FHIT: variants seen among roughly 807,000 people sequenced by gnomAD.
FHIT encodes the protein fragile histidine triad diadenosine triphosphatase.
FHIT carries 19 observed loss-of-function variants against 17.9 expected under a neutral mutation model. The ratio of observed to expected loss-of-function variants is 1.06; its 90% CI spans 0.74 to 1.56. The LOEUF (loss-of-function observed/expected upper bound fraction) is 1.56, where lower values mean the gene tolerates loss of function less well. FHIT is among the 40% of genes most tolerant of loss of function. The probability of loss-of-function intolerance (pLI) is 0.00; values close to 1 mark genes in which losing one functional copy is unlikely to be tolerated. For missense variants in FHIT, 248 were observed against 189.2 expected, an observed-to-expected ratio of 1.31 and a Z score of -1.82; for synonymous variants, 81 against 69.7, an observed-to-expected ratio of 1.16 and a Z score of -0.81.
intron 4 of FHIT, among the ~76,000 whole-genome samples, chr3:60,610,211 TTTA>T (rs1165029960): frequency 6.6e-6 from 1 of 152,212 alleles, no homozygotes; most frequent in Non-Finnish European, 1.5e-5. Flanking sequence ...AAAATGCCTT[TTTA>T]TTGCCAAGGG....
chr3:61,104,336 G>C (rs759955885), intron 2 of FHIT, among the ~76,000 whole-genome samples: 7 of 152,098 alleles, frequency 4.6e-5, no homozygotes. Flanking sequence ...AGCTTAGTTT[G>C]GCTGGATATG....
chr3:60,493,686 C>A (rs1228748255), intron 5 of FHIT, among the ~76,000 whole-genome samples: 4 of 152,010 alleles, frequency 2.6e-5, no homozygotes, highest in African/African-American at 7.3e-5. Context: ...GTTTTGACAA[C>A]CCATAAATAT....
rs1553751915 is a variant in FHIT, at chr3:60,860,765, CATATGTATCATATATCAGGT to C, written c.-110-38774_-110-38755del. ...TCATATATATCAGGTATATATGATACATATGTATCATATATCAGGTATATATGATACATATGTACATATAT... is the reference window on the plus strand; with the variant it reads ...TCATATATATCAGGTATATATGATACATATATGATACATATGTACATATAT... On this transcript the variant is annotated intron_variant, in intron 3 of 9. Transcript: ENST00000492590. 0.017 allele frequency among the ~76,000 whole-genome samples: 44 copies of C among 2,660 alleles called. 13 individuals carry two copies. The East Asian group carries it at 0.43, about 26-fold the overall frequency. 1.7% of individuals were successfully genotyped at this position (2,660 alleles called of 152,430 possible).
chr3:60,963,741 T>C (rs1553782013), intron 3 of FHIT, among the ~76,000 whole-genome samples: 1 of 152,134 alleles, frequency 6.6e-6, no homozygotes, highest in Non-Finnish European at 1.5e-5. Flanking sequence ...TGAGCGGTTT[T>C]TGAATGAGTT....
At chr3:60,113,851 A>C (rs1293059671) in intron 5 of FHIT, among the ~76,000 whole-genome samples, 1 of 148,702 alleles carries the variant, frequency 6.7e-6, no homozygotes, top group Non-Finnish European at 1.5e-5. Flanking sequence ...AATACAAAAA[A>C]ATTAGCTGGG....
chr3:59,779,297 A>C (rs1160385159), intron 8 of FHIT, among the ~76,000 whole-genome samples: 1 of 152,100 alleles, frequency 6.6e-6, no homozygotes, highest in African/African-American at 2.4e-5. Flanking sequence ...GAAGAGAGAG[A>C]GTTGTTCTGG....
intron 5 of FHIT, among the ~76,000 whole-genome samples, chr3:60,133,514 T>C (rs1023712983): frequency 1.3e-5 from 2 of 152,114 alleles, no homozygotes; most frequent in Non-Finnish European, 2.9e-5. Flanking sequence ...GCTAATGTGA[T>C]TCATAAATAA....
chr3:60,406,407 C>T (rs1701858544), intron 5 of FHIT, among the ~76,000 whole-genome samples: 1 of 152,160 alleles, frequency 6.6e-6, no homozygotes, highest in Non-Finnish European at 1.5e-5. Context: ...CAAGGCGTGG[C>T]TGAAACCTAT....
intron 5 of FHIT, among the ~76,000 whole-genome samples, chr3:60,288,845 T>A (rs1428076106): frequency 6.6e-6 from 1 of 152,184 alleles, no homozygotes; most frequent in African/African-American, 2.4e-5. Context: ...AACTATATCT[T>A]CAAAGGAATG....
At chr3:60,816,074 T>A (rs1358584030) in intron 4 of FHIT, among the ~76,000 whole-genome samples, 1 of 152,090 alleles carries the variant, frequency 6.6e-6, no homozygotes, top group Non-Finnish European at 1.5e-5. Flanking sequence ...TGCTACTGAT[T>A]TCTGTACATT....
intron 8 of FHIT, among the ~76,000 whole-genome samples, chr3:59,889,070 T>C (rs1258195205): frequency 6.6e-6 from 1 of 152,238 alleles, no homozygotes; most frequent in African/African-American, 2.4e-5. Flanking sequence ...GTCAATACTG[T>C]TGTTCTGGGG....
At chr3:59,916,158 C>T (rs1705125074) in intron 8 of FHIT, among the ~76,000 whole-genome samples, 1 of 152,106 alleles carries the variant, frequency 6.6e-6, no homozygotes, top group Non-Finnish European at 1.5e-5. Context: ...GTCAGCATGG[C>T]TAGAATAAAG....
chr3:60,546,730 GC>G (rs1310428872), intron 4 of FHIT, among the ~76,000 whole-genome samples: 1 of 152,044 alleles, frequency 6.6e-6, no homozygotes, highest in Non-Finnish European at 1.5e-5. Context: ...TCTCAGCTCT[GC>G]CACTCTCTTC....
At chr3:60,786,590 G>A (rs371704021) in intron 4 of FHIT, among the ~76,000 whole-genome samples, 1 of 152,184 alleles carries the variant, frequency 6.6e-6, no homozygotes, top group East Asian at 1.9e-4. Flanking sequence ...GATAATGCAT[G>A]TAAAATGCTA....
rs1553654729 is a variant in FHIT at position 60,569,749 on chromosome 3, A to ATTTTTTTT, written c.-17-32771_-17-32770insAAAAAAAA. ...ACTATATATATATATATATATATAT[A>ATTTTTTTT]TATATATTTTTTTTTTTTTTAGACA... is the stretch of plus-strand genomic sequence containing the variant. On this transcript the variant is annotated intron_variant, in intron 4 of 9. Transcript: ENST00000492590. Among the ~76,000 whole-genome samples the ATTTTTTTT allele has an allele frequency of 1.5e-3, 91 of 62,722 alleles. 1 individual carries two copies. Among genetic ancestry groups the ATTTTTTTT allele is most frequent in the African/African-American group, 5.4e-3 (88 of 16,192 alleles). The allele number at this position is 62,722 out of a possible 152,430, so 41.1% of individuals were successfully genotyped here.
chr3:61,180,591 T>C (rs1576162343), intron 2 of FHIT, among the ~76,000 whole-genome samples: 1 of 152,366 alleles, frequency 6.6e-6, no homozygotes, highest in South Asian at 2.1e-4. Context: ...ACTTGAAATG[T>C]ATTTTGCATG....
intron 4 of FHIT, among the ~76,000 whole-genome samples, chr3:60,664,303 C>T (rs955366625): frequency 4.6e-5 from 7 of 151,958 alleles, no homozygotes; most frequent in African/African-American, 1.7e-4. Context: ...TTGAACCAAC[C>T]TTACATACCT....
chr3:59,883,790 G>C (rs1703506342), intron 8 of FHIT, among the ~76,000 whole-genome samples: 1 of 152,176 alleles, frequency 6.6e-6, no homozygotes, highest in African/African-American at 2.4e-5. Flanking sequence ...TGTTTTCTTG[G>C]CTATCTAGAT....
intron 5 of FHIT, among the ~76,000 whole-genome samples, chr3:60,024,082 C>T (rs9822178): frequency 0.012 from 1,882 of 152,076 alleles, 34 homozygotes; most frequent in African/African-American, 0.042. Flanking sequence ...CTTTCCTTCA[C>T]ACATCAAAAG....
Sources: gnomAD v4.1 joint callset for allele counts (sites outside exome capture counted in the v4.1 genomes callset) on GRCh38, gnomAD v4.1.1 for gene constraint, MANE v1.5 for transcripts, NCBI Gene and HGNC (gene_info 2026-07-23, HGNC 2026-07-21) for gene names.